Variants in STARD8 observed in about 807,000 individuals in gnomAD.
The protein encoded by STARD8 is StAR related lipid transfer domain containing 8, also known as stAR-related lipid transfer protein 8.
Under a neutral mutation model 69.4 loss-of-function variants are expected in STARD8, and 25 were observed. The ratio of observed to expected loss-of-function variants is 0.36; its 90% CI spans 0.26 to 0.50. The LOEUF (loss-of-function observed/expected upper bound fraction) is 0.50, where lower values mean the gene tolerates loss of function less well. Among genes scored for constraint, STARD8 ranks in the 20% least tolerant of loss-of-function variants. The pLI is 0.96. For synonymous variants in STARD8, 389 were observed against 374.6 expected (o/e 1.04, Z -0.45); for missense variants, 921 against 932.5 (o/e 0.99, Z 0.16).
intron 2 of STARD8, among the ~76,000 whole-genome samples, chrX:68,703,573 G>A (rs2079982874): frequency 8.9e-6 from 1 of 112,336 alleles, no homozygotes; most frequent in Non-Finnish European, 1.9e-5. Flanking sequence ...CTTCTCTCAG[G>A]CCCATTTCCT....
intron 2 of STARD8, among the ~76,000 whole-genome samples, chrX:68,691,228 C>A (rs1045205898): frequency 8.9e-6 from 1 of 112,007 alleles, no homozygotes; most frequent in African/African-American, 3.2e-5. Context: ...ACTGAGCTGG[C>A]ATCCAAGGTA....
intron 2 of STARD8, among the ~76,000 whole-genome samples, chrX:68,676,012 A>G (rs2079762944): frequency 8.9e-6 from 1 of 112,004 alleles, no homozygotes; most frequent in South Asian, 3.8e-4. Context: ...GTTGTCCCTC[A>G]GGTCCTTTGA....
chrX:68,668,115 GTCTTTCTT>G (rs1259688569), intron 2 of STARD8, among the ~76,000 whole-genome samples: 3 of 24,219 alleles, frequency 1.2e-4, no homozygotes, highest in African/African-American at 4.0e-4. Flanking sequence ...CTTTCTTTCT[GTCTTTCTT>G]TCTTTCTTTC....
Position 68,659,061 on chromosome X carries a change from C to A in STARD8, c.46-6438C>A, listed in dbSNP as rs139311153. On this transcript the variant is annotated intron_variant, in intron 1 of 14. Transcript: ENST00000374599. Reference sequence around the variant, plus strand: ...TATAATGTCATAGATGGAAATAGGACACTGATCTAACAGCCCTGGTTCTGC... The same window carrying A: ...TATAATGTCATAGATGGAAATAGGAAACTGATCTAACAGCCCTGGTTCTGC... 8.2e-3 allele frequency among the ~76,000 whole-genome samples: 922 copies of A among 111,935 alleles called. 10 individuals are homozygous for A. The highest frequency in any genetic ancestry group is 0.028 in the African/African-American group (872 of 30,773).
At chrX:68,669,057 T>C (rs1019387889) in intron 2 of STARD8, among the ~76,000 whole-genome samples, 1 of 111,406 alleles carries the variant, frequency 9.0e-6, no homozygotes, top group African/African-American at 3.3e-5. Flanking sequence ...GTTCAGGCCT[T>C]AGGGACTCAC....
At position 68,721,273 on chromosome X, in the gene STARD8, G is replaced by A. The variant is rs1264779209; in HGVS notation, c.2248+151G>A. The stretch of plus-strand genomic sequence containing the variant: ...ACTATCTGGAGTTGGAATGGCCCTT[G>A]CAGAGAGACCATTCTGCTTCCCCAA... On this transcript the variant is annotated intron_variant, in intron 9 of 14. Coordinates refer to ENST00000374599, the MANE Select transcript of STARD8 (RefSeq NM_001142503.3). The A allele has an allele frequency of 1.7e-5, 12 of 705,672 alleles. No homozygotes were observed. The South Asian group carries it at 2.0e-4, about 12-fold the overall frequency. The allele number at this position is 705,672 out of a possible 1,213,427, so 58.2% of individuals were successfully genotyped here.
intron 6 of STARD8, among the ~76,000 whole-genome samples, 186 bp from the exon 7 acceptor site, chrX:68,719,039 G>A (rs1569372718): frequency 2.7e-5 from 3 of 110,761 alleles, no homozygotes; most frequent in Non-Finnish European, 5.7e-5. Flanking sequence ...AGAACTTCTT[G>A]GCCCCTAAGA....
chrX:68,716,681 G>A (rs1410208110), intron 5 of STARD8, among the ~76,000 whole-genome samples: 1 of 111,107 alleles, frequency 9.0e-6, no homozygotes, highest in Non-Finnish European at 1.9e-5. Context: ...GGGCAGCCAA[G>A]TGACCAAAGC....
chrX:68,663,900 G>A (rs776878165), intron 1 of STARD8, among the ~76,000 whole-genome samples: 1 of 111,456 alleles, frequency 9.0e-6, no homozygotes, highest in Non-Finnish European at 1.9e-5. Flanking sequence ...ATCCCTCAAG[G>A]GTCCTGCCAG....
At chrX:68,703,955 G>A (rs1208156154) in intron 2 of STARD8, among the ~76,000 whole-genome samples, 1 of 111,947 alleles carries the variant, frequency 8.9e-6, no homozygotes, top group East Asian at 2.8e-4. Context: ...GCTTTGAGGT[G>A]AAGACATGTG....
At chrX:68,668,853 C>G (rs764470932) in intron 2 of STARD8, among the ~76,000 whole-genome samples, 2 of 112,002 alleles carry the variant, frequency 1.8e-5, no homozygotes, top group African/African-American at 6.5e-5. Context: ...TAAATAATAA[C>G]CTCACCCTAA....
intron 2 of STARD8, among the ~76,000 whole-genome samples, chrX:68,673,493 G>C (rs1475706595): frequency 9.0e-6 from 1 of 111,658 alleles, no homozygotes; most frequent in Non-Finnish European, 1.9e-5. Flanking sequence ...ATGCCATCTT[G>C]TTTCCCTACT....
intron 9 of STARD8, 152 bp from the exon 10 acceptor site, chrX:68,721,384 G>A: frequency 1.8e-5 from 11 of 598,641 alleles, no homozygotes; most frequent in Non-Finnish European, 2.9e-5. Flanking sequence ...GCTAGATCAA[G>A]CACCCAGAGA....
rs73215077 is a variant in STARD8 at position 68,713,109 on chromosome X, G to A, written c.151+124G>A. 7.3e-3 allele frequency: 5,041 copies of A among 694,355 alleles called. 24 individuals are homozygous for A. Among genetic ancestry groups the A allele is most frequent in the Non-Finnish European group, 9.1e-3 (4,276 of 471,576 alleles). 57.2% of individuals were successfully genotyped at this position (694,355 alleles called of 1,213,427 possible). On this transcript the variant is annotated intron_variant, in intron 3 of 14. Transcript: ENST00000374599. ...AAGCAGTGTCTCCTGGCCCTGCTCC[G>A]ATTTTTTTCAGGGACTTTGCTCCTG...
chrX:68,684,430 C>T (rs1482449906), intron 2 of STARD8, among the ~76,000 whole-genome samples: 1 of 113,130 alleles, frequency 8.8e-6, no homozygotes, highest in African/African-American at 3.2e-5. Context: ...GAAGTGACTG[C>T]TGCCGCCCTT....
intron 2 of STARD8, among the ~76,000 whole-genome samples, chrX:68,710,899 G>T (rs2080044466): frequency 8.9e-6 from 1 of 112,324 alleles, no homozygotes; most frequent in South Asian, 3.7e-4. Flanking sequence ...GATGGGGAAA[G>T]GGTCTCATCC....
In STARD8 at chrX:68,718,255, G is replaced by A. The variant is rs1431248164; in HGVS notation, c.1341G>A (p.Pro447=). ...QAEALSQMEV[P]AHGESPAWAQ... ...AGGCTCTCAGCCAGATGGAGGTTCCGGCCCATGGAGAGTCCCCAGCCTGGG... is the reference window on the plus strand; with the variant it reads ...AGGCTCTCAGCCAGATGGAGGTTCCAGCCCATGGAGAGTCCCCAGCCTGGG... Residue 447 remains proline (P), a synonymous_variant, in exon 6 of 15, where the codon CCG becomes CCA. Transcript: ENST00000374599. 2.6e-5 allele frequency: 32 copies of A among 1,209,405 alleles called. No individual in the cohort carries two copies. Among genetic ancestry groups the A allele is most frequent in the Admixed American group, 4.4e-5 (2 of 45,821 alleles).
Position 68,703,553 on chromosome X carries a change from G to A in STARD8, c.80-9361G>A, listed in dbSNP as rs4844204. Among the ~76,000 whole-genome samples the A allele has an allele frequency of 4.7e-3, 531 of 112,320 alleles. 11 individuals are homozygous for A. The highest frequency in any genetic ancestry group is 0.042 in the Admixed American group (443 of 10,614). On this transcript the variant is annotated intron_variant, in intron 2 of 14. Coordinates refer to ENST00000374599, the MANE Select transcript of STARD8 (RefSeq NM_001142503.3). Reference sequence around the variant, plus strand: ...GAGGGGTCGTGTCTGCTCCCTTCCCGGGGAGGCCACTTCTCTCAGGCCCAT... The same window carrying A: ...GAGGGGTCGTGTCTGCTCCCTTCCCAGGGAGGCCACTTCTCTCAGGCCCAT...
At position 68,717,729 on chromosome X, in the gene STARD8, C is replaced by T. The variant is rs771941028; in HGVS notation, c.815C>T (p.Ala272Val). ...WAATSAGGSG[A>V]NTRKAWEAWP... The stretch of plus-strand genomic sequence containing the variant: ...GCCACCTCAGCCGGTGGCAGTGGTG[C>T]CAATACTCGGAAGGCCTGGGAGGCC... Residue 272 changes from alanine to valine, a missense_variant, in exon 6 of 15, where the codon GCC becomes GTC. Coordinates refer to ENST00000374599, the MANE Select transcript of STARD8 (RefSeq NM_001142503.3). 9.1e-6 allele frequency: 11 copies of T among 1,210,826 alleles called. No homozygotes were observed. The highest frequency in any genetic ancestry group is 1.7e-5 in the African/African-American group (1 of 57,479).
Sources: allele counts gnomAD v4.1 joint callset (sites outside exome capture counted in the v4.1 genomes callset), GRCh38; gene constraint gnomAD v4.1.1; transcripts MANE v1.5; gene names NCBI Gene and HGNC (gene_info 2026-07-23, HGNC 2026-07-21).